Variants in LINGO2 observed in about 807,000 individuals in gnomAD.
LINGO2 encodes the protein leucine rich repeat and Ig domain containing 2, also known as leucine-rich repeat and immunoglobulin-like domain-containing nogo receptor-interacting protein 2.
A neutral mutation model predicts 30.6 loss-of-function variants in LINGO2; 14 were observed. The observed-to-expected ratio is 0.46, with a 90% confidence interval of 0.30 to 0.72. The LOEUF is 0.72. Ranked by LOEUF, LINGO2 falls within the 30% of genes least tolerant of loss-of-function variation. The probability of loss-of-function intolerance (pLI) is 0.07; values close to 1 mark genes in which losing one functional copy is unlikely to be tolerated. For synonymous variants in LINGO2, 317 were observed against 288.5 expected (o/e 1.10, Z -1.00); for missense variants, 729 against 751.7 (o/e 0.97, Z 0.35).
the LINGO2 span, among the ~76,000 whole-genome samples, chr9:29,107,426 T>C: frequency 6.6e-6 from 1 of 152,172 alleles, no homozygotes; most frequent in Admixed American, 6.5e-5. Flanking sequence ...GAGTTGCAGT[T>C]AAGGCTTTGG....
At chr9:28,903,615 A>G in the LINGO2 span, among the ~76,000 whole-genome samples, 35 of 152,256 alleles carry the variant, frequency 2.3e-4, no homozygotes, top group South Asian at 5.8e-3. Context: ...AGCTGGGACT[A>G]CAGGTGCCTC....
At chr9:28,325,151 A>C (rs1825182596) in intron 3 of LINGO2, among the ~76,000 whole-genome samples, 1 of 150,492 alleles carries the variant, frequency 6.6e-6, no homozygotes, top group Non-Finnish European at 1.5e-5. Flanking sequence ...AGCTTGACTA[A>C]ACTTTAGACA....
At chr9:28,034,611 G>A (rs908393209) in intron 4 of LINGO2, among the ~76,000 whole-genome samples, 3 of 152,116 alleles carry the variant, frequency 2.0e-5, no homozygotes, top group African/African-American at 7.2e-5. Flanking sequence ...CTTGGCTGTA[G>A]AACAAACTGA....
chr9:28,513,870 T>C (rs1336457927), intron 1 of LINGO2, among the ~76,000 whole-genome samples: 1 of 152,262 alleles, frequency 6.6e-6, no homozygotes, highest in Non-Finnish European at 1.5e-5. Flanking sequence ...ATCTTTTTAT[T>C]GTGCTTTGCA....
chr9:28,858,377 T>C, the LINGO2 span, among the ~76,000 whole-genome samples: 1 of 152,062 alleles, frequency 6.6e-6, no homozygotes, highest in Non-Finnish European at 1.5e-5. Context: ...AGATTTTATA[T>C]GTGCTCCTGA....
chr9:29,057,426 T>A, the LINGO2 span, among the ~76,000 whole-genome samples: 8 of 152,168 alleles, frequency 5.3e-5, no homozygotes, highest in South Asian at 2.1e-4. Context: ...GATTTTTGGA[T>A]ATTGGCTCAT....
chr9:28,667,093 G>T (rs1828831231), intron 1 of LINGO2, among the ~76,000 whole-genome samples: 1 of 152,058 alleles, frequency 6.6e-6, no homozygotes. Context: ...TTCAAACACT[G>T]GTTGACAAAT....
chr9:28,138,097 A>T (rs1827567776), intron 4 of LINGO2, among the ~76,000 whole-genome samples: 1 of 152,236 alleles, frequency 6.6e-6, no homozygotes, highest in Non-Finnish European at 1.5e-5. Context: ...CAGAAAAGTT[A>T]ATAAATTTGC....
chr9:28,124,182 G>A (rs1452336), intron 4 of LINGO2, among the ~76,000 whole-genome samples: 63,748 of 152,016 alleles, frequency 0.42, 14,956 homozygotes, highest in East Asian at 0.65. Context: ...GATACCATAT[G>A]ACTTGGCACT....
At chr9:29,140,105 G>GT in the LINGO2 span, among the ~76,000 whole-genome samples, 1 of 152,080 alleles carries the variant, frequency 6.6e-6, no homozygotes, top group Non-Finnish European at 1.5e-5. Context: ...TATGAAGACA[G>GT]TTTGTAAAGA....
At chr9:28,866,250 C>G in the LINGO2 span, among the ~76,000 whole-genome samples, 5 of 152,158 alleles carry the variant, frequency 3.3e-5, no homozygotes, top group African/African-American at 1.2e-4. Context: ...TATTTAACTT[C>G]AAAAATAGGC....
chr9:28,103,436 C>A (rs538968936), intron 4 of LINGO2, among the ~76,000 whole-genome samples: 1 of 152,214 alleles, frequency 6.6e-6, no homozygotes, highest in African/African-American at 2.4e-5. Flanking sequence ...CCCTAAGAAG[C>A]TTTGTCTGTT....
At chr9:28,662,495 C>G (rs937964962) in intron 1 of LINGO2, among the ~76,000 whole-genome samples, 3 of 152,070 alleles carry the variant, frequency 2.0e-5, no homozygotes, top group Non-Finnish European at 4.4e-5. Context: ...AGTGAGAGGG[C>G]GATTTTTTAT....
the LINGO2 span, among the ~76,000 whole-genome samples, chr9:28,863,251 A>G: frequency 1.3e-5 from 2 of 152,102 alleles, no homozygotes; most frequent in Non-Finnish European, 2.9e-5. Flanking sequence ...GGGCATAATA[A>G]TCCAAATAAA....
At chr9:29,179,561 T>C in the LINGO2 span, among the ~76,000 whole-genome samples, 2 of 152,152 alleles carry the variant, frequency 1.3e-5, no homozygotes, top group East Asian at 1.9e-4. Context: ...TGTGCCACCA[T>C]GTCTGGCTAA....
chr9:28,848,942 G>A, the LINGO2 span, among the ~76,000 whole-genome samples: 39 of 151,994 alleles, frequency 2.6e-4, no homozygotes, highest in African/African-American at 8.9e-4. Flanking sequence ...GGTCCTTTGA[G>A]AAGTGATCTA....
Position 28,056,123 on chromosome 9 carries a change from G to A in LINGO2, c.-86-43718C>T, listed in dbSNP as rs542055248. 6.4e-4 allele frequency among the ~76,000 whole-genome samples: 98 copies of A among 152,278 alleles called. 1 individual carries two copies. The South Asian group carries it at 0.019, about 30-fold the overall frequency. On this transcript the variant is annotated intron_variant, in intron 4 of 5. Transcript: ENST00000379992. ...CAAAGGCAACCTCTGAGCGTCTACC[G>A]CCCTTCCTATTTATTGTGTAGCAAG... is the stretch of plus-strand genomic sequence containing the variant.
the LINGO2 span, among the ~76,000 whole-genome samples, chr9:29,146,234 T>C: frequency 6.6e-6 from 1 of 152,122 alleles, no homozygotes; most frequent in Admixed American, 6.6e-5. Flanking sequence ...CAGGCACTTG[T>C]AATCCCAGCT....
intron 2 of LINGO2, among the ~76,000 whole-genome samples, chr9:28,441,466 G>A (rs1479414720): frequency 6.7e-6 from 1 of 150,134 alleles, no homozygotes; most frequent in East Asian, 1.9e-4. Context: ...TAGTTCTCAA[G>A]CTTCAGTGAA....
Sources: allele counts gnomAD v4.1 joint callset (sites outside exome capture counted in the v4.1 genomes callset), GRCh38; gene constraint gnomAD v4.1.1; transcripts MANE v1.5; gene names NCBI Gene and HGNC (gene_info 2026-07-23, HGNC 2026-07-21).